The following MLLT3 variants were observed in gnomAD, a reference collection of about 807,000 sequenced individuals.
MLLT3 encodes the protein protein AF-9.
Under a neutral mutation model 53.2 loss-of-function variants are expected in MLLT3, and 4 were observed. The observed-to-expected ratio is 0.08, with a 90% CI of 0.04 to 0.17. The LOEUF is 0.17. MLLT3 is among the 10% of genes least tolerant of loss of function. The probability of loss-of-function intolerance (pLI) is 1.00; values close to 1 mark genes in which losing one functional copy is unlikely to be tolerated. For missense variants in MLLT3, 569 were observed against 684.0 expected, an observed-to-expected ratio of 0.83 and a Z score of 1.87; for synonymous variants, 283 against 230.6, an observed-to-expected ratio of 1.23 and a Z score of -2.06.
intron 2 of MLLT3, among the ~76,000 whole-genome samples, chr9:20,589,185 C>G (rs926625212): frequency 4.0e-5 from 6 of 149,838 alleles, no homozygotes; most frequent in African/African-American, 1.5e-4. Flanking sequence ...GGAACCAACC[C>G]AAATGTCCAA....
chr9:20,604,267 T>A (rs1223213152), intron 2 of MLLT3, among the ~76,000 whole-genome samples: 2 of 152,082 alleles, frequency 1.3e-5, no homozygotes, highest in African/African-American at 4.8e-5. Flanking sequence ...TCTACACTTA[T>A]CCAAGATGAG....
intron 2 of MLLT3, among the ~76,000 whole-genome samples, chr9:20,573,507 A>T (rs941831577): frequency 9.9e-5 from 15 of 152,168 alleles, no homozygotes; most frequent in African/African-American, 3.6e-4. Flanking sequence ...AACCACTAAG[A>T]CATAATACAA....
intron 2 of MLLT3, among the ~76,000 whole-genome samples, chr9:20,573,994 C>T (rs1819593982): frequency 6.6e-6 from 1 of 152,192 alleles, no homozygotes; most frequent in African/African-American, 2.4e-5. Flanking sequence ...TGACTGGTTA[C>T]TCCTATTAAG....
intron 2 of MLLT3, among the ~76,000 whole-genome samples, chr9:20,582,833 T>C (rs943912066): frequency 6.6e-6 from 1 of 152,094 alleles, no homozygotes; most frequent in African/African-American, 2.4e-5. Context: ...CTACAACACA[T>C]GGAAATTCTG....
In MLLT3 at chr9:20,524,355, T is replaced by A. The variant is rs376866334; in HGVS notation, c.194-67569A>T. Among the ~76,000 whole-genome samples, 7 of 152,164 alleles carry A rather than the reference T, an allele frequency of 4.6e-5. No homozygotes were observed. In the East Asian group the frequency reaches 1.4e-3, roughly 29 times the overall value. Reference sequence around the variant, plus strand: ...TATCAAGATACAAAATTAAGATCCTTATCTCAGTTCTGGTATAACAATCTC... The same window carrying A: ...TATCAAGATACAAAATTAAGATCCTAATCTCAGTTCTGGTATAACAATCTC... On this transcript the variant is annotated intron_variant, in intron 2 of 10. Coordinates refer to ENST00000380338, the MANE Select transcript of MLLT3 (RefSeq NM_004529.4).
At chr9:20,490,837 G>C (rs1020999324) in intron 2 of MLLT3, among the ~76,000 whole-genome samples, 1 of 151,988 alleles carries the variant, frequency 6.6e-6, no homozygotes, top group Non-Finnish European at 1.5e-5. Flanking sequence ...AGGAAACTAA[G>C]GAATAGAGAG....
At chr9:20,437,276 G>C (rs902310980) in intron 4 of MLLT3, among the ~76,000 whole-genome samples, 1 of 152,116 alleles carries the variant, frequency 6.6e-6, no homozygotes, top group Admixed American at 6.6e-5. Context: ...TTGCTCTGCA[G>C]TACAGAGGCA....
At chr9:20,458,396 C>T (rs573297175) in intron 2 of MLLT3, among the ~76,000 whole-genome samples, 21 of 152,278 alleles carry the variant, frequency 1.4e-4, no homozygotes, top group African/African-American at 4.1e-4. Flanking sequence ...TCAGACTAGG[C>T]GAGCTACCTC....
chr9:20,387,869 G>C (rs1430481114), intron 5 of MLLT3, among the ~76,000 whole-genome samples: 1 of 152,140 alleles, frequency 6.6e-6, no homozygotes, highest in Non-Finnish European at 1.5e-5. Context: ...AAAAATTCAG[G>C]TATTTTAAAT....
At chr9:20,571,130 T>C (rs1293979190) in intron 2 of MLLT3, among the ~76,000 whole-genome samples, 1 of 152,236 alleles carries the variant, frequency 6.6e-6, no homozygotes, top group Non-Finnish European at 1.5e-5. Context: ...CACATATACA[T>C]ATCATTCCTT....
At chr9:20,362,675 G>A (rs1399061462) in intron 7 of MLLT3, 1 of 147,432 alleles carries the variant, frequency 6.8e-6, no homozygotes, top group African/African-American at 2.5e-5. Context: ...CAATTAGGAA[G>A]CATCGGTCTC....
At chr9:20,542,234 T>C (rs914274875) in intron 2 of MLLT3, among the ~76,000 whole-genome samples, 2 of 113,626 alleles carry the variant, frequency 1.8e-5, no homozygotes, top group Non-Finnish European at 3.8e-5. Context: ...CAATGAGCAG[T>C]AATATTTTTT....
At chr9:20,382,807 T>A (rs1301418845) in intron 5 of MLLT3, among the ~76,000 whole-genome samples, 1 of 151,934 alleles carries the variant, frequency 6.6e-6, no homozygotes, top group Admixed American at 6.6e-5. Flanking sequence ...TCAACTTACA[T>A]CAATTCCTTG....
At chr9:20,472,626 A>C (rs547496527) in intron 2 of MLLT3, among the ~76,000 whole-genome samples, 3 of 152,220 alleles carry the variant, frequency 2.0e-5, no homozygotes, top group African/African-American at 7.2e-5. Context: ...AACCAACTAT[A>C]AAGAAAAATA....
At chr9:20,393,150 C>T (rs930502312) in intron 5 of MLLT3, among the ~76,000 whole-genome samples, 15 of 151,914 alleles carry the variant, frequency 9.9e-5, no homozygotes, top group Non-Finnish European at 1.9e-4. Context: ...AGCAAAACTC[C>T]ATCTCAATTA....
intron 2 of MLLT3, among the ~76,000 whole-genome samples, chr9:20,479,882 T>C (rs1824619419): frequency 1.3e-5 from 2 of 152,174 alleles, no homozygotes; most frequent in Admixed American, 6.5e-5. Context: ...CTCATAACAA[T>C]GCCATGGTAT....
intron 2 of MLLT3, among the ~76,000 whole-genome samples, chr9:20,496,272 G>A (rs1041351816): frequency 2.0e-5 from 3 of 152,114 alleles, no homozygotes; most frequent in African/African-American, 7.2e-5. Flanking sequence ...GCTACAGAAT[G>A]TTTCCTTGAG....
At chr9:20,601,673 ATCC>A (rs1820424499) in intron 2 of MLLT3, among the ~76,000 whole-genome samples, 1 of 152,128 alleles carries the variant, frequency 6.6e-6, no homozygotes. Context: ...AAGCAGACAG[ATCC>A]TCAATAATGT....
chr9:20,432,765 C>T (rs1411089503), intron 4 of MLLT3, among the ~76,000 whole-genome samples: 1 of 152,062 alleles, frequency 6.6e-6, no homozygotes, highest in Non-Finnish European at 1.5e-5. Flanking sequence ...ACTTGGGAAA[C>T]GGCTGCCTTA....
Sources: gnomAD v4.1 joint callset for allele counts (sites outside exome capture counted in the v4.1 genomes callset) on GRCh38, gnomAD v4.1.1 for gene constraint, MANE v1.5 for transcripts, NCBI Gene and HGNC (gene_info 2026-07-23, HGNC 2026-07-21) for gene names.